Variants in GRID2 observed in about 807,000 individuals in gnomAD.
GRID2 encodes glutamate receptor ionotropic, delta-2.
GRID2 carries 33 observed loss-of-function variants against 114.8 expected under a neutral mutation model. The ratio of observed to expected loss-of-function variants is 0.29; its 90% CI spans 0.22 to 0.38. GRID2 has a LOEUF of 0.38. GRID2 is among the 10% of genes least tolerant of loss of function. The pLI is 1.00. For missense variants in GRID2, 1,184 were observed against 1,257.7 expected, an observed-to-expected ratio of 0.94 and a Z score of 0.89; for synonymous variants, 505 against 449.9, an observed-to-expected ratio of 1.12 and a Z score of -1.55.
intron 7 of GRID2, among the ~76,000 whole-genome samples, chr4:93,229,543 A>C (rs1745876775): frequency 6.6e-6 from 1 of 152,196 alleles, no homozygotes; most frequent in Non-Finnish European, 1.5e-5. Context: ...CCAGCAACAC[A>C]AATGAGGTCA....
chr4:93,046,941 G>A (rs1174329698), intron 2 of GRID2, among the ~76,000 whole-genome samples: 1 of 151,848 alleles, frequency 6.6e-6, no homozygotes, highest in Non-Finnish European at 1.5e-5. Context: ...AAGAAAAGGG[G>A]CACTTGACAT....
chr4:93,424,447 A>T (rs113792927), intron 10 of GRID2, among the ~76,000 whole-genome samples: 5,498 of 152,166 alleles, frequency 0.036, 145 homozygotes, highest in Middle Eastern at 0.058. Context: ...TTCTTACTGG[A>T]TATCAAACTC....
chr4:93,626,673 T>G (rs1742763526), intron 14 of GRID2, among the ~76,000 whole-genome samples: 1 of 152,240 alleles, frequency 6.6e-6, no homozygotes, highest in Non-Finnish European at 1.5e-5. Context: ...TAACTGGTTT[T>G]ACTCTCAAAA....
In GRID2 at chr4:93,316,316, GAAAGAAAGAAAGAAAGAAA is replaced by G. The variant is rs1560490662; in HGVS notation, c.1245+77827_1245+77845del. Among the ~76,000 whole-genome samples, 218 of 138,056 alleles carry G rather than the reference GAAAGAAAGAAAGAAAGAAA, an allele frequency of 1.6e-3. 3 individuals are homozygous for G. Among genetic ancestry groups the G allele is most frequent in the Middle Eastern group, 3.6e-3 (1 of 274 alleles). The allele number at this position is 138,056 out of a possible 152,430, so 90.6% of individuals were successfully genotyped here. A position where few individuals can be genotyped will look rare whatever the true frequency, so the allele number is the denominator to read the frequency against. On this transcript the variant is annotated intron_variant, in intron 8 of 15. Coordinates refer to ENST00000282020, the MANE Select transcript of GRID2 (RefSeq NM_001510.4). ...CGAAAGAAAGAAAGAAAGAAAGAAAGAAAGAAAGAAAGAAAGAAAGAAAGAAGGAAGGAAGGAAGGAAGG... is the reference window on the plus strand; with the variant it reads ...CGAAAGAAAGAAAGAAAGAAAGAAAGGAAAGAAGGAAGGAAGGAAGGAAGG...
chr4:93,623,229 C>G (rs2149685491), intron 13 of GRID2, among the ~76,000 whole-genome samples: 1 of 152,120 alleles, frequency 6.6e-6, no homozygotes, highest in South Asian at 2.1e-4. Flanking sequence ...CACAGGTATA[C>G]ACATGCCATG....
Position 92,615,316 on chromosome 4 carries a change from A to G in GRID2, c.244+25030A>G, listed in dbSNP as rs931899172. The stretch of plus-strand genomic sequence containing the variant: ...TAATCCCATCATGAGGGCTCTGCCT[A>G]TTGACCTCATCTAAATCCAATTACC... On this transcript the variant is annotated intron_variant, in intron 2 of 15. Coordinates refer to ENST00000282020, the MANE Select transcript of GRID2 (RefSeq NM_001510.4). Among the ~76,000 whole-genome samples, 7 of 151,516 alleles carry G rather than the reference A, an allele frequency of 4.6e-5. No homozygotes were observed. In the Admixed American group the frequency reaches 4.6e-4, roughly 10 times the overall value.
In GRID2 at chr4:93,663,298, GGTATTTTGAGTGCTCATGAAGA is replaced by G. The variant is rs555425021; in HGVS notation, c.2360+36866_2360+36887del. On this transcript the variant is annotated intron_variant, in intron 14 of 15. Transcript: ENST00000282020. ...CTTCAGTGATTCATACAGTTATGGA[GGTATTTTGAGTGCTCATGAAGA>G]GTCCTCTTAAGATTTCTCATCTAAT... Among the ~76,000 whole-genome samples, 14 of 152,230 alleles carry G rather than the reference GGTATTTTGAGTGCTCATGAAGA, an allele frequency of 9.2e-5. No homozygotes were observed. The South Asian group carries it at 2.9e-3, about 32-fold the overall frequency.
At chr4:92,653,210 G>T (rs1309588861) in intron 2 of GRID2, among the ~76,000 whole-genome samples, 1 of 149,896 alleles carries the variant, frequency 6.7e-6, no homozygotes, top group Non-Finnish European at 1.5e-5. Context: ...ATCTTGGCCA[G>T]GCTGGTCTTG....
intron 2 of GRID2, among the ~76,000 whole-genome samples, chr4:92,639,495 A>G (rs1731240990): frequency 6.6e-6 from 1 of 151,862 alleles, no homozygotes. Context: ...AAAAAGATCT[A>G]GCTTCAAGTT....
At chr4:92,816,026 A>G (rs923175660) in intron 2 of GRID2, among the ~76,000 whole-genome samples, 2 of 150,950 alleles carry the variant, frequency 1.3e-5, no homozygotes, top group Non-Finnish European at 3.0e-5. Flanking sequence ...TTAAAAGTAC[A>G]TTTTACTGGC....
intron 3 of GRID2, among the ~76,000 whole-genome samples, chr4:93,095,384 A>T (rs1004294311): frequency 1.4e-4 from 21 of 152,030 alleles, no homozygotes. Flanking sequence ...CACACAGAAA[A>T]CAAAATTTGC....
At chr4:93,064,483 C>T (rs1271805081) in intron 2 of GRID2, among the ~76,000 whole-genome samples, 1 of 151,776 alleles carries the variant, frequency 6.6e-6, no homozygotes, top group Non-Finnish European at 1.5e-5. Context: ...GAGCTTCTAC[C>T]AGTGTGGATT....
intron 9 of GRID2, among the ~76,000 whole-genome samples, chr4:93,405,224 A>C (rs1396787883): frequency 6.6e-6 from 1 of 152,052 alleles, no homozygotes; most frequent in Non-Finnish European, 1.5e-5. Flanking sequence ...TTATAAACAG[A>C]CTCTTAAAGA....
intron 6 of GRID2, among the ~76,000 whole-genome samples, chr4:93,220,187 T>G (rs576597969): frequency 6.6e-6 from 1 of 152,204 alleles, no homozygotes; most frequent in African/African-American, 2.4e-5. Context: ...GTACCTCAGA[T>G]AAGACAACAG....
In GRID2 at chr4:92,941,041, T is replaced by C. The variant is rs549495999; in HGVS notation, c.245-143954T>C. Among the ~76,000 whole-genome samples the C allele has an allele frequency of 2.0e-5, 3 of 152,310 alleles. No individual in the cohort carries two copies. The South Asian group carries it at 6.2e-4, about 32-fold the overall frequency. On this transcript the variant is annotated intron_variant, in intron 2 of 15. Transcript: ENST00000282020. The stretch of plus-strand genomic sequence containing the variant: ...GGTTTAAAATTCTCTTTTATTGTTG[T>C]GTCTGTGCCAGACTTTGGTATCAGG...
chr4:93,602,094 C>A (rs13120609), intron 13 of GRID2, among the ~76,000 whole-genome samples: 8 of 152,056 alleles, frequency 5.3e-5, no homozygotes, highest in Non-Finnish European at 8.8e-5. Flanking sequence ...ATATTGCCAA[C>A]ACCAAGTCCT....
chr4:92,798,187 T>C (rs1455603417), intron 2 of GRID2, among the ~76,000 whole-genome samples: 1 of 152,076 alleles, frequency 6.6e-6, no homozygotes, highest in Admixed American at 6.6e-5. Context: ...CCTATTTTGA[T>C]TTCAGACACG....
chr4:92,627,975 A>G (rs926850764), intron 2 of GRID2, among the ~76,000 whole-genome samples: 3 of 152,168 alleles, frequency 2.0e-5, no homozygotes, highest in Non-Finnish European at 4.4e-5. Context: ...ATCATTATAT[A>G]GTATTGTATA....
chr4:93,706,175 T>A (rs919868409), intron 14 of GRID2, among the ~76,000 whole-genome samples: 2 of 152,202 alleles, frequency 1.3e-5, no homozygotes, highest in Non-Finnish European at 2.9e-5. Context: ...TCTTTTGTGG[T>A]TCCGCATAAA....
Sources: allele counts gnomAD v4.1 joint callset (sites outside exome capture counted in the v4.1 genomes callset), GRCh38; gene constraint gnomAD v4.1.1; transcripts MANE v1.5; gene names NCBI Gene and HGNC (gene_info 2026-07-23, HGNC 2026-07-21).